LRBA: variants seen among roughly 807,000 people sequenced by gnomAD.
LRBA encodes lipopolysaccharide-responsive and beige-like anchor protein.
A neutral mutation model predicts 330.0 loss-of-function variants in LRBA; 176 were observed. That is an observed-to-expected ratio of 0.53 (90% confidence interval 0.47 to 0.60). The LOEUF is 0.60. LRBA is among the 20% of genes least tolerant of loss of function. LRBA has a pLI of 0.00. For missense variants in LRBA, 3,259 were observed against 3,444.8 expected, an observed-to-expected ratio of 0.95 and a Z score of 1.35; for synonymous variants, 1,230 against 1,193.0, an observed-to-expected ratio of 1.03 and a Z score of -0.64.
At chr4:150,898,658 T>G (rs62344584) in intron 14 of LRBA, among the ~76,000 whole-genome samples, 8,963 of 151,880 alleles carry the variant, frequency 0.059, 779 homozygotes, top group African/African-American at 0.2. Context: ...AAAAAAATAA[T>G]AAGACTAGAG....
At chr4:150,524,992 C>CTA (rs973835274) in intron 40 of LRBA, among the ~76,000 whole-genome samples, 1 of 151,926 alleles carries the variant, frequency 6.6e-6, no homozygotes, top group Non-Finnish European at 1.5e-5. Flanking sequence ...AAAGAGTGAC[C>CTA]TATATATATC....
intron 2 of LRBA, among the ~76,000 whole-genome samples, chr4:150,973,007 C>T (rs1244650043): frequency 3.9e-5 from 6 of 152,090 alleles, no homozygotes; most frequent in Non-Finnish European, 8.8e-5. Flanking sequence ...TAGTCTTGGC[C>T]GGGACTGGTG....
chr4:150,721,238 T>C, intron 36 of LRBA: 1 of 419,012 alleles, frequency 2.4e-6, no homozygotes, highest in Non-Finnish European at 4.6e-6. Flanking sequence ...TTTCTACTTT[T>C]CTTTTTCACT....
At chr4:150,923,324 T>C (rs1212119) in intron 4 of LRBA, among the ~76,000 whole-genome samples, 20,098 of 152,070 alleles carry the variant, frequency 0.13, 2,055 homozygotes, top group African/African-American at 0.27. Flanking sequence ...CCATCCTTTT[T>C]TCAGTCTTCT....
At chr4:150,346,750 T>C (rs1470238015) in intron 48 of LRBA, among the ~76,000 whole-genome samples, 17 of 97,214 alleles carry the variant, frequency 1.7e-4, no homozygotes, top group African/African-American at 7.8e-4. Flanking sequence ...AATGTGAGAC[T>C]CTGTCTCAAA....
intron 47 of LRBA, among the ~76,000 whole-genome samples, chr4:150,409,545 T>C (rs1018458062): frequency 9.9e-5 from 15 of 152,144 alleles, no homozygotes; most frequent in Non-Finnish European, 8.8e-5. Flanking sequence ...ACTATAGCTT[T>C]ATAATAATTT....
rs189682179 is a variant in LRBA, at chr4:150,271,368, C to T, written c.8469-5556G>A. On this transcript the variant is annotated intron_variant, in intron 56 of 56. Coordinates refer to ENST00000651943, the MANE Select transcript of LRBA (RefSeq NM_001364905.1). ...GCCTGGAATGCCAGCGAGACAGAAC[C>T]GTTTACTCCCCTGGAAAGGAGGCTG... Among the ~76,000 whole-genome samples the T allele has an allele frequency of 4.0e-4, 60 of 151,768 alleles. No individual in the cohort carries two copies. The East Asian group carries it at 9.6e-3, about 24-fold the overall frequency.
At chr4:150,458,298 CAT>C (rs1754337538) in intron 44 of LRBA, among the ~76,000 whole-genome samples, 1 of 151,850 alleles carries the variant, frequency 6.6e-6, no homozygotes, top group Non-Finnish European at 1.5e-5. Flanking sequence ...CATCCATATA[CAT>C]ATATATTCCT....
At chr4:150,749,494 G>GC (rs1296724943) in intron 35 of LRBA, among the ~76,000 whole-genome samples, 2 of 152,058 alleles carry the variant, frequency 1.3e-5, no homozygotes, top group Admixed American at 1.3e-4. Context: ...AGTGACTCAT[G>GC]CCTATAATTC....
intron 37 of LRBA, among the ~76,000 whole-genome samples, chr4:150,680,624 T>G (rs1782972196): frequency 6.6e-6 from 1 of 152,230 alleles, no homozygotes; most frequent in Non-Finnish European, 1.5e-5. Flanking sequence ...GTGTTATCCA[T>G]AAAGCAGCAG....
At chr4:150,429,807 A>C (rs1370167738) in intron 46 of LRBA, among the ~76,000 whole-genome samples, 1 of 152,046 alleles carries the variant, frequency 6.6e-6, no homozygotes, top group Non-Finnish European at 1.5e-5. Context: ...ATCACTATCT[A>C]ATTTGTACTA....
intron 37 of LRBA, among the ~76,000 whole-genome samples, chr4:150,626,457 G>A (rs1776871889): frequency 6.6e-6 from 1 of 152,048 alleles, no homozygotes; most frequent in South Asian, 2.1e-4. Flanking sequence ...TAATTCCTAT[G>A]AAATCCTATC....
intron 38 of LRBA, 44 bp downstream of exon 38, chr4:150,598,963 T>C: frequency 6.2e-7 from 1 of 1,610,792 alleles, no homozygotes. Flanking sequence ...CATTACCAAG[T>C]CCTGTACCTG....
At chr4:150,789,533 C>A (rs1374507235) in intron 34 of LRBA, among the ~76,000 whole-genome samples, 1 of 152,036 alleles carries the variant, frequency 6.6e-6, no homozygotes, top group East Asian at 1.9e-4. Context: ...TTAAACACTG[C>A]AAATACCATA....
At chr4:150,933,052 A>G (rs1248957434) in intron 2 of LRBA, among the ~76,000 whole-genome samples, 1 of 152,228 alleles carries the variant, frequency 6.6e-6, no homozygotes, top group Non-Finnish European at 1.5e-5. Flanking sequence ...GATGTTAGAT[A>G]CAAGAACTTC....
intron 22 of LRBA, 96 bp downstream of exon 22, chr4:150,867,575 T>C: frequency 5.4e-6 from 5 of 928,004 alleles, no homozygotes; most frequent in East Asian, 2.9e-5. Flanking sequence ...CTTGCCTTTT[T>C]TCCTTGATTT....
intron 37 of LRBA, among the ~76,000 whole-genome samples, chr4:150,619,428 A>T (rs965655605): frequency 1.3e-5 from 2 of 152,202 alleles, no homozygotes; most frequent in African/African-American, 4.8e-5. Flanking sequence ...CAAATTACTT[A>T]GAAAACATTT....
chr4:150,805,340 A>AAAGGAAAGGAAAGGG (rs1560841403), intron 33 of LRBA, among the ~76,000 whole-genome samples: 1 of 74,270 alleles, frequency 1.3e-5, no homozygotes, highest in Non-Finnish European at 3.0e-5. Context: ...AAAGGAAAGG[A>AAAGGAAAGGAAAGGG]GAAGGAGAAG....
chr4:150,868,960 TAAA>T (rs1753083787), intron 20 of LRBA, among the ~76,000 whole-genome samples: 1 of 152,010 alleles, frequency 6.6e-6, no homozygotes, highest in South Asian at 2.1e-4. Context: ...TGAAATAAAA[TAAA>T]AAATACTATA....
Sources: allele counts gnomAD v4.1 joint callset (sites outside exome capture counted in the v4.1 genomes callset), GRCh38; gene constraint gnomAD v4.1.1; transcripts MANE v1.5; gene names NCBI Gene and HGNC (gene_info 2026-07-23, HGNC 2026-07-21).